Variants in CRYBB3 observed in about 807,000 individuals in gnomAD.
The protein encoded by CRYBB3 is crystallin beta B3.
Under a neutral mutation model 28.3 loss-of-function variants are expected in CRYBB3, and 35 were observed. The observed-to-expected ratio is 1.24, with a 90% CI of 0.95 to 1.64. The LOEUF is 1.64. Ranked by LOEUF, CRYBB3 falls within the 40% of genes most tolerant of loss-of-function variation. The pLI, the probability that CRYBB3 is intolerant of heterozygous loss-of-function variation, is 0.00. For missense variants in CRYBB3, 296 were observed against 297.4 expected (o/e 1.00, Z 0.04); for synonymous variants, 106 against 110.4 (o/e 0.96, Z 0.25).
Position 25,207,244 on chromosome 22 carries a change from C to G in CRYBB3, c.*32C>G. 1 of 1,596,854 alleles carries G rather than the reference C, an allele frequency of 6.3e-7. No homozygotes were observed. Among genetic ancestry groups the G allele is most frequent in the South Asian group, 1.1e-5 (1 of 90,056 alleles). On this transcript the variant is annotated 3_prime_UTR_variant, in exon 6 of 6. Transcript: ENST00000215855. ...CCCAGACTTCAAGGACCCAGACCCA[C>G]CCTGGGGGGCTGCAAGGGCAAGAAG...
chr22:25,203,316 C>G (rs1482926813), intron 3 of CRYBB3, among the ~76,000 whole-genome samples: 1 of 152,168 alleles, frequency 6.6e-6, no homozygotes, highest in African/African-American at 2.4e-5. Context: ...CTTCACACAC[C>G]AGGCCTCTGT....
chr22:25,204,920 T>C (rs1412182140), intron 4 of CRYBB3, among the ~76,000 whole-genome samples: 1 of 152,228 alleles, frequency 6.6e-6, no homozygotes, highest in African/African-American at 2.4e-5. Context: ...GTCCACCCTC[T>C]CCTGGCCTCA....
At chr22:25,201,603 G>A (rs192385580) in intron 2 of CRYBB3, 132 bp downstream of exon 2, 303 of 1,435,218 alleles carry the variant, frequency 2.1e-4, no homozygotes, top group East Asian at 7.7e-5. Context: ...AAAACGCTCC[G>A]GGTGGGTCCT....
chr22:25,202,567 A>C, intron 2 of CRYBB3, 107 bp from the exon 3 acceptor site: 1 of 1,591,694 alleles, frequency 6.3e-7, no homozygotes, highest in Admixed American at 1.7e-5. Flanking sequence ...TCCAGGCTGG[A>C]GAGATGCAGA....
chr22:25,206,647 G>A (rs1935040127), intron 5 of CRYBB3, among the ~76,000 whole-genome samples: 1 of 152,160 alleles, frequency 6.6e-6, no homozygotes. Context: ...GGGGCTCTGG[G>A]AGTCCCAGTG....
At chr22:25,206,281 C>T (rs186605728) in intron 5 of CRYBB3, among the ~76,000 whole-genome samples, 9 of 152,290 alleles carry the variant, frequency 5.9e-5, no homozygotes, top group Admixed American at 1.3e-4. Context: ...CTGGGGCTCA[C>T]GCCTGTAATC....
At chr22:25,204,514 T>C (rs1444331137) in intron 4 of CRYBB3, among the ~76,000 whole-genome samples, 2 of 152,124 alleles carry the variant, frequency 1.3e-5, no homozygotes, top group Non-Finnish European at 2.9e-5. Flanking sequence ...GCCTCCTGGG[T>C]TCAAGTGATT....
At chr22:25,201,293 C>G in intron 1 of CRYBB3, 84 bp from the exon 2 acceptor site, 1 of 1,591,320 alleles carries the variant, frequency 6.3e-7, no homozygotes. Context: ...CAGCAAGGCT[C>G]TGTAGCTCAT....
In CRYBB3 at chr22:25,207,245, C is replaced by T. The variant is rs1935052190; in HGVS notation, c.*33C>T. 2 of 1,596,388 alleles carry T rather than the reference C, an allele frequency of 1.3e-6. No homozygotes were observed. Among genetic ancestry groups the T allele is most frequent in the Non-Finnish European group, 1.7e-6 (2 of 1,169,768 alleles). On this transcript the variant is annotated 3_prime_UTR_variant, in exon 6 of 6. Transcript: ENST00000215855. ...CCAGACTTCAAGGACCCAGACCCACCCTGGGGGGCTGCAAGGGCAAGAAGA... is the reference window on the plus strand; with the variant it reads ...CCAGACTTCAAGGACCCAGACCCACTCTGGGGGGCTGCAAGGGCAAGAAGA...
chr22:25,204,075 G>A (rs943935869), intron 4 of CRYBB3, among the ~76,000 whole-genome samples, 180 bp downstream of exon 4: 1 of 152,134 alleles, frequency 6.6e-6, no homozygotes, highest in Non-Finnish European at 1.5e-5. Flanking sequence ...ATATTGAAGG[G>A]ACATTCGGTT....
intron 1 of CRYBB3, among the ~76,000 whole-genome samples, chr22:25,200,607 A>C (rs1934928562): frequency 6.6e-6 from 1 of 152,148 alleles, no homozygotes; most frequent in Admixed American, 6.5e-5. Flanking sequence ...AATGATGAGA[A>C]TCCTTCCATG....
At chr22:25,203,656 AG>A in intron 3 of CRYBB3, 106 bp from the exon 4 acceptor site, 2 of 1,235,002 alleles carry the variant, frequency 1.6e-6, no homozygotes, top group Non-Finnish European at 2.4e-6. Context: ...GGTTGGAGGG[AG>A]GGTACAAGGT....
intron 1 of CRYBB3, among the ~76,000 whole-genome samples, chr22:25,200,924 CAA>C (rs1269711889): frequency 1.3e-5 from 2 of 152,198 alleles, no homozygotes; most frequent in Admixed American, 6.5e-5. Context: ...AACCAGTGAA[CAA>C]AAGAGTTCCT....
At chr22:25,200,438 G>C (rs180732101) in intron 1 of CRYBB3, among the ~76,000 whole-genome samples, 186 of 152,232 alleles carry the variant, frequency 1.2e-3, no homozygotes, top group African/African-American at 4.0e-3. Context: ...GCAGGGATGT[G>C]TGTGTGTGAG....
At position 25,201,489 on chromosome 22, in the gene CRYBB3, G is replaced by A. The variant is rs141199896; in HGVS notation, c.75+18G>A. On this transcript the variant is annotated intron_variant, in intron 2 of 5. Transcript: ENST00000215855. ...GCTACAAGGTACTGGGCAGGGAGGG[G>A]GTCAGAGGGCCCAGGCTACTCCTGG... 8.9e-4 allele frequency: 1,442 copies of A among 1,611,462 alleles called. 3 individuals carry two copies. The highest frequency in any genetic ancestry group is 2.5e-3 in the Middle Eastern group (14 of 5,568).
chr22:25,202,672 A>G lies in CRYBB3; in HGVS notation c.76-2A>G. 3 of 1,613,812 alleles carry G rather than the reference A, an allele frequency of 1.9e-6. No individual in the cohort carries two copies. Among genetic ancestry groups the G allele is most frequent in the Admixed American group, 1.7e-5 (1 of 60,026 alleles). ...GGGATGTTTAGGACTCTGCTCTTCT[A>G]GGTGATCTTGTACGAACTAGAGAAC... is the stretch of plus-strand genomic sequence containing the variant. On this transcript the variant is annotated splice_acceptor_variant, in intron 2 of 5. Transcript: ENST00000215855. LOFTEE classifies it high-confidence loss of function.
Position 25,203,835 on chromosome 22 carries a change from G to C in CRYBB3, c.267G>C (p.Trp89Cys). ...TGGAGAAGGGGGATTATCCTCGCTG[G>C]GATGCCTGGTCCAACAGCCGTGATA... The part of the protein sequence containing the change: ...FVLEKGDYPR[W>C]DAWSNSRDSD... The change falls in exon 4 of 6, where the codon TGG becomes TGC. Residue 89 changes from tryptophan to cysteine, a missense_variant. By Grantham distance (215) the Trp-to-Cys change is radical. Coordinates refer to ENST00000215855, the MANE Select transcript of CRYBB3 (RefSeq NM_004076.5). The C allele has an allele frequency of 6.2e-7, 1 of 1,614,156 alleles. No individual in the cohort carries two copies.
At chr22:25,204,879 G>C (rs552673734) in intron 4 of CRYBB3, among the ~76,000 whole-genome samples, 4 of 152,204 alleles carry the variant, frequency 2.6e-5, no homozygotes, top group Non-Finnish European at 5.9e-5. Context: ...AGGAAAGAGG[G>C]AAAGCTCATA....
Position 25,201,387 on chromosome 22 carries a change from TC to T in CRYBB3, c.-8del. ...TCTTTTGGTTTGAAGCCAGAGGTGT[TC>T]CTGGGGAGATGGCGGAACAGCACGG... On this transcript the variant is annotated 5_prime_UTR_variant, in exon 2 of 6. Transcript: ENST00000215855. The T allele has an allele frequency of 6.2e-7, 1 of 1,613,122 alleles. No homozygotes were observed. The highest frequency in any genetic ancestry group is 8.5e-7 in the Non-Finnish European group (1 of 1,179,424).
Sources: gnomAD v4.1 joint callset for allele counts (sites outside exome capture counted in the v4.1 genomes callset) on GRCh38, gnomAD v4.1.1 for gene constraint, MANE v1.5 for transcripts, NCBI Gene and HGNC (gene_info 2026-07-23, HGNC 2026-07-21) for gene names.